The following PLAGL1 variants were observed in gnomAD, a reference collection of about 807,000 sequenced individuals.
PLAGL1 encodes the protein zinc finger protein PLAGL1.
A neutral mutation model predicts 4.6 loss-of-function variants in PLAGL1; 1 was observed. That is an observed-to-expected ratio of 0.22 (90% CI 0.08 to 1.03). The LOEUF (loss-of-function observed/expected upper bound fraction) is 1.03. Ranked by LOEUF, PLAGL1 falls within the 50% of genes least tolerant of loss-of-function variation. The pLI is 0.58. For missense variants in PLAGL1, 464 were observed against 570.4 expected, an observed-to-expected ratio of 0.81 and a Z score of 1.90; for synonymous variants, 240 against 237.8, an observed-to-expected ratio of 1.01 and a Z score of -0.08.
chr6:143,942,318 G>A lies in PLAGL1; in HGVS notation c.498C>T (p.Tyr166=). The A allele has an allele frequency of 7.4e-6, 12 of 1,614,134 alleles. No homozygotes were observed. Among genetic ancestry groups the A allele is most frequent in the South Asian group, 1.1e-5 (1 of 91,084 alleles). ...HQCDHCERCF[Y]TRKDVRRHLV... is the part of the protein sequence containing the mutation. ...GGTGGCGTCGCACATCCTTCCGGGT[G>A]TAGAAGCATCTTTCACAGTGGTCGC... The change falls in exon 8 of 8, where the codon TAC becomes TAT. Residue 166 remains tyrosine, a synonymous_variant. Coordinates refer to ENST00000674357, the MANE Select transcript of PLAGL1 (RefSeq NM_001317162.2). This position sits in a 1 kb window ranked among gnomAD's most constrained non-coding sequence, Gnocchi z 7.6.
chr6:144,024,265 G>A (rs1355475272), intron 1 of PLAGL1, among the ~76,000 whole-genome samples: 1 of 152,134 alleles, frequency 6.6e-6, no homozygotes, highest in East Asian at 1.9e-4. Context: ...AAGGAACCAT[G>A]CCCCTTGGAG....
chr6:143,982,580 A>T lies in PLAGL1; in HGVS notation c.-544+2555T>A, dbSNP rs963363955. Among the ~76,000 whole-genome samples the T allele has an allele frequency of 2.0e-5, 3 of 152,178 alleles. No homozygotes were observed. The highest frequency in any genetic ancestry group is 7.2e-5 in the African/African-American group (3 of 41,444). Reference sequence around the variant, plus strand: ...ATTCTAGGGGAGAAAGTATGAAACCAGGGAGACCAGTTAGAAGGCTACTCT... The same window carrying T: ...ATTCTAGGGGAGAAAGTATGAAACCTGGGAGACCAGTTAGAAGGCTACTCT... On this transcript the variant is annotated intron_variant, in intron 2 of 7. Coordinates refer to ENST00000674357, the MANE Select transcript of PLAGL1 (RefSeq NM_001317162.2). This position sits in a 1 kb window ranked among gnomAD's most constrained non-coding sequence, Gnocchi z 5.3.
At position 144,013,495 on chromosome 6, in the gene PLAGL1, C is replaced by T. The variant is rs574776020; in HGVS notation, c.-150-44517G>A. On this transcript the variant is annotated intron_variant, in intron 1 of 3. Coordinates refer to the PLAGL1 transcript ENST00000437412. The surrounding 1 kb of genome is among the most constrained non-coding windows in gnomAD (Gnocchi z 4.4). Reference sequence around the variant, plus strand: ...TGGCTATATTTTATCCTATAGCTGCCATAACAAATTACCACAAACTGGTGG... The same window carrying T: ...TGGCTATATTTTATCCTATAGCTGCTATAACAAATTACCACAAACTGGTGG... Among the ~76,000 whole-genome samples the T allele has an allele frequency of 6.6e-6, 1 of 152,326 alleles. No individual in the cohort carries two copies. The highest frequency in any genetic ancestry group is 1.9e-4 in the East Asian group (1 of 5,188).
In PLAGL1 at chr6:144,005,951, G is replaced by A. The variant is rs1416211352; in HGVS notation, c.-584+2139C>T. ...ATTTTTATATACTTTTTAGTATTTC[G>A]TTTTTCATAACAAAATTTGATTTTA... On this transcript the variant is annotated intron_variant, in intron 1 of 7. Coordinates refer to ENST00000674357, the MANE Select transcript of PLAGL1 (RefSeq NM_001317162.2). This position sits in a 1 kb window ranked among gnomAD's most constrained non-coding sequence, Gnocchi z 4.6. The A allele has an allele frequency of 6.6e-6, 1 of 151,810 alleles. No individual in the cohort carries two copies. Among genetic ancestry groups the A allele is most frequent in the African/African-American group, 2.4e-5 (1 of 41,354 alleles). The allele number at this position is 151,810 out of a possible 1,614,324, so 9.4% of individuals were successfully genotyped here.
At chr6:144,008,730 C>T (rs556110894), upstream of PLAGL1, 2 of 152,320 alleles carry the variant, frequency 1.3e-5, no homozygotes, top group South Asian at 4.1e-4. The surrounding 1 kb of genome is among the most constrained non-coding windows in gnomAD (Gnocchi z 6.9). Flanking sequence ...GCCAAACTAA[C>T]TTACCTCCTG....
intron 1 of PLAGL1, among the ~76,000 whole-genome samples, chr6:144,045,000 C>CTTTTTTTTTTTTTTTTTTTTTTTTT (rs138373370): frequency 4.2e-5 from 2 of 47,322 alleles, no homozygotes; most frequent in Admixed American, 2.1e-4. Context: ...GCAACCCCTG[C>CTTTTTTTTTTTTTTTTTTTTTTTTT]TTTTTTTTTT....
rs1284850286 is a variant in PLAGL1 at position 143,985,847 on chromosome 6, A to G, written c.-583-673T>C. Among the ~76,000 whole-genome samples, 1 of 150,824 alleles carries G rather than the reference A, an allele frequency of 6.6e-6. No homozygotes were observed. Among genetic ancestry groups the G allele is most frequent in the East Asian group, 1.9e-4 (1 of 5,146 alleles). ...CCATATTTTCAATATATTACTAACA[A>G]GAAACCTCTGAGTGCTTACCATCGG... On this transcript the variant is annotated intron_variant, in intron 1 of 7. Transcript: ENST00000674357. The surrounding 1 kb of genome is among the most constrained non-coding windows in gnomAD (Gnocchi z 4.4).
intron 7 of PLAGL1, among the ~76,000 whole-genome samples, chr6:143,944,541 A>G (rs1414799304): frequency 6.6e-6 from 1 of 152,176 alleles, no homozygotes; most frequent in Non-Finnish European, 1.5e-5. Flanking sequence ...AAATGATAAC[A>G]TGATGGGTAC....
chr6:144,057,899 A>C (rs1361124129), intron 1 of PLAGL1, among the ~76,000 whole-genome samples: 1 of 151,906 alleles, frequency 6.6e-6, no homozygotes, highest in African/African-American at 2.4e-5. Context: ...TGCAGTTTTA[A>C]CTTTAGCCAG....
chr6:144,063,747 C>CA lies in PLAGL1; in HGVS notation c.-151+720dup. On this transcript the variant is annotated intron_variant, in intron 1 of 3. Transcript: ENST00000437412. The surrounding 1 kb of genome is among the most constrained non-coding windows in gnomAD (Gnocchi z 5.7). ...TGTCCTCGACACAGCAGGGGCCCTA[C>CA]AAACCCAACACGGCTGTGCACCCGC... Among the ~76,000 whole-genome samples, 1 of 152,220 alleles carries CA rather than the reference C, an allele frequency of 6.6e-6. No individual in the cohort carries two copies. Among genetic ancestry groups the CA allele is most frequent in the Non-Finnish European group, 1.5e-5 (1 of 68,024 alleles).
Position 143,942,062 on chromosome 6 carries a change from G to C in PLAGL1, c.754C>G (p.Leu252Val). Residue 252 changes from leucine (L) to valine (V), a missense_variant, in exon 8 of 8, where the codon CTT becomes GTT. Leu to Val is a conservative substitution (Grantham distance 32). Transcript: ENST00000674357. This position sits in a 1 kb window ranked among gnomAD's most constrained non-coding sequence, Gnocchi z 7.6. ...ACCTCAGCTGGCAAGCTACTTGCAA[G>C]CCCGTTCTGGGCAGAAGCTCCTAAA... ...FPLGASAQNG[L>V]ASSLPAEVHS... The C allele has an allele frequency of 6.2e-7, 1 of 1,612,242 alleles. No individual in the cohort carries two copies. Among genetic ancestry groups the C allele is most frequent in the South Asian group, 1.1e-5 (1 of 90,850 alleles).
Position 143,964,635 on chromosome 6 carries a change from G to A in PLAGL1, c.-399+152C>T, listed in dbSNP as rs912311409. Among the ~76,000 whole-genome samples the A allele has an allele frequency of 3.8e-5, 5 of 131,210 alleles. No individual in the cohort carries two copies. In the East Asian group the frequency reaches 8.2e-4, roughly 21 times the overall value. 86.1% of individuals were successfully genotyped at this position (131,210 alleles called of 152,430 possible). On this transcript the variant is annotated intron_variant, in intron 5 of 7. Transcript: ENST00000674357. The surrounding 1 kb of genome is among the most constrained non-coding windows in gnomAD (Gnocchi z 4.3). The stretch of plus-strand genomic sequence containing the variant: ...AGTTTTCAAAAAAGGCCACCGCTTC[G>A]TTAGAGAGAGGACCATGGACTCTGC...
intron 1 of PLAGL1, among the ~76,000 whole-genome samples, chr6:143,999,602 T>C (rs1583567606): frequency 1.3e-5 from 2 of 152,342 alleles, no homozygotes; most frequent in African/African-American, 4.8e-5. Context: ...TTGGGAATGT[T>C]GCCACCTCAG....
At position 143,948,726 on chromosome 6, in the gene PLAGL1, A is replaced by G. The variant is rs1320931937; in HGVS notation, c.-324-266T>C. Among the ~76,000 whole-genome samples, 1 of 151,374 alleles carries G rather than the reference A, an allele frequency of 6.6e-6. No individual in the cohort carries two copies. Among genetic ancestry groups the G allele is most frequent in the Non-Finnish European group, 1.5e-5 (1 of 67,982 alleles). ...TCTTTCCACGGATCCAGTATTATCT[A>G]TTTCAGGTCAGTGTGAAGCTCCATT... is the stretch of plus-strand genomic sequence containing the variant. On this transcript the variant is annotated intron_variant, in intron 6 of 7. Coordinates refer to ENST00000674357, the MANE Select transcript of PLAGL1 (RefSeq NM_001317162.2). This position sits in a 1 kb window ranked among gnomAD's most constrained non-coding sequence, Gnocchi z 6.0.
At chr6:144,026,259 T>C (rs977591817) in intron 1 of PLAGL1, among the ~76,000 whole-genome samples, 2 of 152,198 alleles carry the variant, frequency 1.3e-5, no homozygotes, top group African/African-American at 4.8e-5. Context: ...TCTACCATAA[T>C]AAATTATGTC....
rs964427769 is a variant in PLAGL1 at position 143,973,100 on chromosome 6, C to A, written c.-543-4122G>T. On this transcript the variant is annotated intron_variant, in intron 2 of 7. Transcript: ENST00000674357. This position sits in a 1 kb window ranked among gnomAD's most constrained non-coding sequence, Gnocchi z 6.2. Reference sequence around the variant, plus strand: ...AAGAAGGTCCATTCCACCCCATGTGCTCCTTTTCAGCTGTCAATAAACAGA... The same window carrying A: ...AAGAAGGTCCATTCCACCCCATGTGATCCTTTTCAGCTGTCAATAAACAGA... Among the ~76,000 whole-genome samples the A allele has an allele frequency of 6.6e-6, 1 of 152,196 alleles. No individual in the cohort carries two copies. Among genetic ancestry groups the A allele is most frequent in the African/African-American group, 2.4e-5 (1 of 41,458 alleles).
chr6:143,953,668 T>C lies in PLAGL1; in HGVS notation c.-324-5208A>G, dbSNP rs569140226. 6.6e-6 allele frequency among the ~76,000 whole-genome samples: 1 copy of C among 152,230 alleles called. No individual in the cohort carries two copies. The highest frequency in any genetic ancestry group is 1.9e-4 in the East Asian group (1 of 5,182). On this transcript the variant is annotated intron_variant, in intron 6 of 7. Coordinates refer to ENST00000674357, the MANE Select transcript of PLAGL1 (RefSeq NM_001317162.2). The surrounding 1 kb of genome is among the most constrained non-coding windows in gnomAD (Gnocchi z 5.3). Reference sequence around the variant, plus strand: ...AGTGGGATTTTTCTAAAACACAGCCTAATATAAAAGGGAGAAAACAACAAA... The same window carrying C: ...AGTGGGATTTTTCTAAAACACAGCCCAATATAAAAGGGAGAAAACAACAAA...
upstream of PLAGL1, among the ~76,000 whole-genome samples, chr6:144,010,369 T>C (rs1795086899): frequency 6.6e-6 from 1 of 152,024 alleles, no homozygotes; most frequent in Non-Finnish European, 1.5e-5. The surrounding 1 kb of genome is among the most constrained non-coding windows in gnomAD (Gnocchi z 4.1). Flanking sequence ...ACAAAGAGAA[T>C]AAAATACCTA....
In PLAGL1 at chr6:144,000,308, A is replaced by G. The variant is rs1453496430; in HGVS notation, c.-584+7782T>C. ...AAACAAAAGAATAAGAGATTTGAAG[A>G]TCAGAAGGAAAAGAAAAAAATCATT... On this transcript the variant is annotated intron_variant, in intron 1 of 7. Coordinates refer to ENST00000674357, the MANE Select transcript of PLAGL1 (RefSeq NM_001317162.2). This position sits in a 1 kb window ranked among gnomAD's most constrained non-coding sequence, Gnocchi z 4.1. Among the ~76,000 whole-genome samples, 2 of 151,976 alleles carry G rather than the reference A, an allele frequency of 1.3e-5. No homozygotes were observed. The highest frequency in any genetic ancestry group is 3.9e-4 in the East Asian group (2 of 5,192).
Sources: allele counts gnomAD v4.1 joint callset (sites outside exome capture counted in the v4.1 genomes callset), GRCh38; gene constraint gnomAD v4.1.1; non-coding constraint Gnocchi (gnomAD v3.1); transcripts MANE v1.5; gene names NCBI Gene and HGNC (gene_info 2026-07-23, HGNC 2026-07-21).